Variants in NAV3 observed in about 807,000 individuals in gnomAD.
NAV3 encodes the protein pore membrane and/or filament interacting like protein 1.
In NAV3, 87 loss-of-function variants were observed where a neutral mutation model predicts 244.7. That is an observed-to-expected ratio of 0.36 (90% CI 0.30 to 0.42). The LOEUF (loss-of-function observed/expected upper bound fraction) is 0.42. NAV3 is among the 20% of genes least tolerant of loss of function. The pLI is 1.00. For missense variants in NAV3, 2,663 were observed against 2,893.3 expected, an observed-to-expected ratio of 0.92 and a Z score of 1.83; for synonymous variants, 1,126 against 1,042.2, an observed-to-expected ratio of 1.08 and a Z score of -1.55.
intron 2 of NAV3, among the ~76,000 whole-genome samples, chr12:77,650,566 G>T (rs1420518969): frequency 1.3e-5 from 2 of 152,064 alleles, no homozygotes; most frequent in East Asian, 1.9e-4. Flanking sequence ...ATGCAGAAAA[G>T]AATATTTTAC....
At chr12:77,898,691 T>A (rs1398694549) in intron 1 of NAV3, among the ~76,000 whole-genome samples, 1 of 152,204 alleles carries the variant, frequency 6.6e-6, no homozygotes, top group Non-Finnish European at 1.5e-5. Flanking sequence ...GTAATAATCA[T>A]TATAATTTTC....
chr12:78,033,396 G>T (rs990541621), intron 9 of NAV3, among the ~76,000 whole-genome samples: 4 of 152,034 alleles, frequency 2.6e-5, no homozygotes, highest in South Asian at 4.2e-4. Context: ...ACTTATTTTA[G>T]GTCTTGGCGT....
At chr12:77,822,363 A>G (rs1227167964) in intron 2 of NAV3, among the ~76,000 whole-genome samples, 1 of 152,098 alleles carries the variant, frequency 6.6e-6, no homozygotes, top group Non-Finnish European at 1.5e-5. Context: ...CAGCTAGTTT[A>G]CCTTTCTTTT....
chr12:77,676,626 G>T (rs1195424793), intron 2 of NAV3, among the ~76,000 whole-genome samples: 1 of 150,896 alleles, frequency 6.6e-6, no homozygotes, highest in Non-Finnish European at 1.5e-5. Flanking sequence ...AGAATGTGCA[G>T]GTTTGTTACA....
At chr12:77,720,601 T>C (rs1424342406) in intron 2 of NAV3, among the ~76,000 whole-genome samples, 1 of 152,152 alleles carries the variant, frequency 6.6e-6, no homozygotes, top group Non-Finnish European at 1.5e-5. Context: ...ACCAGACCCT[T>C]GGGCAGCATC....
intron 2 of NAV3, among the ~76,000 whole-genome samples, chr12:77,594,907 C>T (rs1257572102): frequency 6.6e-6 from 1 of 151,992 alleles, no homozygotes; most frequent in Non-Finnish European, 1.5e-5. Flanking sequence ...AAGATCCTGT[C>T]GATTGGAATG....
intron 2 of NAV3, among the ~76,000 whole-genome samples, chr12:77,667,880 A>C (rs2137062959): frequency 6.6e-6 from 1 of 152,052 alleles, no homozygotes; most frequent in East Asian, 1.9e-4. Flanking sequence ...TACAACCAAG[A>C]CTCACAGAGT....
At chr12:77,999,862 T>G (rs1036555390) in intron 7 of NAV3, among the ~76,000 whole-genome samples, 1 of 152,096 alleles carries the variant, frequency 6.6e-6, no homozygotes, top group Non-Finnish European at 1.5e-5. Context: ...TAATACTTCC[T>G]GTATATGTGG....
chr12:77,742,688 TAAAC>T (rs1868360449), intron 2 of NAV3, among the ~76,000 whole-genome samples: 1 of 151,806 alleles, frequency 6.6e-6, no homozygotes. Flanking sequence ...CAGAGAAAAA[TAAAC>T]AAATATAAAG....
Position 77,757,842 on chromosome 12 carries a change from C to T in NAV3, c.73-182477C>T, listed in dbSNP as rs60109335. On this transcript the variant is annotated intron_variant, in intron 2 of 8. Transcript: ENST00000550042. ...CATAGAATATGTGAATCACCTGGCT[C>T]AGTGCTTGATGCATTATAAAGCCTT... is the stretch of plus-strand genomic sequence containing the variant. Among the ~76,000 whole-genome samples, 716 of 152,318 alleles carry T rather than the reference C, an allele frequency of 4.7e-3. 9 individuals carry two copies. Among genetic ancestry groups the T allele is most frequent in the Middle Eastern group, 0.017 (5 of 294 alleles).
intron 2 of NAV3, among the ~76,000 whole-genome samples, chr12:77,624,824 T>A (rs893331166): frequency 2.6e-5 from 4 of 152,252 alleles, no homozygotes; most frequent in African/African-American, 7.2e-5. Context: ...CAGCCATCCC[T>A]AATTCTTAGT....
intron 2 of NAV3, among the ~76,000 whole-genome samples, chr12:77,660,197 T>C (rs1448410133): frequency 6.6e-6 from 1 of 152,172 alleles, no homozygotes; most frequent in Non-Finnish European, 1.5e-5. Flanking sequence ...TTACTTATAG[T>C]GGGTGGAGAA....
chr12:77,789,529 C>G (rs898432591), intron 2 of NAV3, among the ~76,000 whole-genome samples: 1 of 148,374 alleles, frequency 6.7e-6, no homozygotes, highest in Non-Finnish European at 1.5e-5. Context: ...AAAAAGTCAA[C>G]TGGGCGCAGT....
intron 1 of NAV3, among the ~76,000 whole-genome samples, chr12:77,915,583 G>A (rs1887058434): frequency 6.6e-6 from 1 of 151,866 alleles, no homozygotes; most frequent in Non-Finnish European, 1.5e-5. Context: ...TATATTATTA[G>A]CATATTTTTA....
intron 1 of NAV3, among the ~76,000 whole-genome samples, chr12:77,934,689 T>C (rs1889156356): frequency 1.3e-5 from 2 of 152,336 alleles, no homozygotes; most frequent in East Asian, 3.9e-4. Context: ...GTTATTATCA[T>C]AGAAACCCTT....
At chr12:78,082,702 C>A (rs1417104467) in intron 12 of NAV3, among the ~76,000 whole-genome samples, 1 of 152,036 alleles carries the variant, frequency 6.6e-6, no homozygotes, top group Non-Finnish European at 1.5e-5. Flanking sequence ...AACTTATAAC[C>A]CTCCAAATTC....
chr12:77,705,672 T>A (rs1875763225), intron 2 of NAV3, among the ~76,000 whole-genome samples: 1 of 151,382 alleles, frequency 6.6e-6, no homozygotes, highest in Non-Finnish European at 1.5e-5. Context: ...CCTGGATTGT[T>A]TGTTCCCCCG....
chr12:77,844,354 C>A (rs1876251737), intron 1 of NAV3, among the ~76,000 whole-genome samples: 1 of 152,180 alleles, frequency 6.6e-6, no homozygotes, highest in Admixed American at 6.5e-5. Context: ...GCTCCATCCT[C>A]ATGACTTAAT....
intron 29 of NAV3, among the ~76,000 whole-genome samples, chr12:78,180,245 G>A (rs1244892424): frequency 6.6e-6 from 1 of 151,980 alleles, no homozygotes; most frequent in Non-Finnish European, 1.5e-5. Flanking sequence ...TTTTATTATT[G>A]TATACCAGTA....
Sources: gnomAD v4.1 joint callset for allele counts (sites outside exome capture counted in the v4.1 genomes callset) on GRCh38, gnomAD v4.1.1 for gene constraint, MANE v1.5 for transcripts, NCBI Gene and HGNC (gene_info 2026-07-23, HGNC 2026-07-21) for gene names.